Variants in NRXN3 observed in about 807,000 individuals in gnomAD.
The protein encoded by NRXN3 is neurexin III.
NRXN3 carries 32 observed loss-of-function variants against 137.6 expected under a neutral mutation model. The observed-to-expected ratio is 0.23, with a 90% confidence interval of 0.18 to 0.31. NRXN3 has a LOEUF of 0.31. Among genes scored for constraint, NRXN3 ranks in the 10% least tolerant of loss-of-function variants. The pLI, the probability that NRXN3 is intolerant of heterozygous loss-of-function variation, is 1.00. For synonymous variants in NRXN3, 798 were observed against 784.5 expected, an observed-to-expected ratio of 1.02 and a Z score of -0.29; for missense variants, 1,574 against 2,062.5, an observed-to-expected ratio of 0.76 and a Z score of 4.59.
chr14:78,468,034 C>T (rs902115922), intron 4 of NRXN3, among the ~76,000 whole-genome samples: 17 of 152,166 alleles, frequency 1.1e-4, no homozygotes, highest in Admixed American at 6.5e-4. Context: ...AGCAATTCTC[C>T]TGCCTCAGCC....
At chr14:78,626,764 C>A (rs745472538) in intron 4 of NRXN3, among the ~76,000 whole-genome samples, 77 of 152,260 alleles carry the variant, frequency 5.1e-4, no homozygotes, top group Non-Finnish European at 1.0e-3. Flanking sequence ...TGGTTGGCTC[C>A]TCTGTTATTG....
At chr14:79,224,839 T>C (rs2070523041) in intron 15 of NRXN3, among the ~76,000 whole-genome samples, 1 of 152,146 alleles carries the variant, frequency 6.6e-6, no homozygotes, top group Non-Finnish European at 1.5e-5. Context: ...AAGGCAAGGA[T>C]CACCAAGGAT....
intron 10 of NRXN3, among the ~76,000 whole-genome samples, chr14:78,825,690 A>G (rs1029744831): frequency 8.5e-5 from 13 of 152,262 alleles, no homozygotes; most frequent in African/African-American, 2.4e-4. Context: ...TGATTTGTCA[A>G]ATGGAATTGC....
chr14:78,289,411 A>G (rs2075550718), intron 3 of NRXN3, among the ~76,000 whole-genome samples: 2 of 152,088 alleles, frequency 1.3e-5, no homozygotes, highest in Non-Finnish European at 1.5e-5. Context: ...CCTGCCCAAT[A>G]TGTTGCTTGG....
At chr14:78,372,688 C>T (rs781357262) in intron 4 of NRXN3, among the ~76,000 whole-genome samples, 4 of 152,122 alleles carry the variant, frequency 2.6e-5, no homozygotes, top group Non-Finnish European at 5.9e-5. Context: ...TCACTTGCAA[C>T]ATATTGGTGC....
rs145035308 is a variant in NRXN3 at position 79,245,908 on chromosome 14, G to A, written c.3263-221313G>A. Among the ~76,000 whole-genome samples the A allele has an allele frequency of 2.0e-3, 298 of 152,122 alleles. 1 individual carries two copies. Among genetic ancestry groups the A allele is most frequent in the Non-Finnish European group, 3.3e-3 (223 of 67,974 alleles). On this transcript the variant is annotated intron_variant, in intron 15 of 20. Transcript: ENST00000335750. ...AAGGGAAAGAGGAAGGAGTACAGGC[G>A]CGTGTTTGGTAAGGTGTCAAGGGTC...
At chr14:78,761,729 T>C (rs930218360) in intron 8 of NRXN3, among the ~76,000 whole-genome samples, 3 of 152,196 alleles carry the variant, frequency 2.0e-5, no homozygotes, top group African/African-American at 7.2e-5. Context: ...GGGGCCTCAT[T>C]TGAAGAATTA....
At chr14:79,207,927 T>G (rs1404319479) in intron 15 of NRXN3, among the ~76,000 whole-genome samples, 2 of 152,130 alleles carry the variant, frequency 1.3e-5, no homozygotes, top group Admixed American at 6.6e-5. Context: ...TTAAAAATAC[T>G]AACACATTGA....
At chr14:79,503,194 T>C (rs1358299557) in intron 16 of NRXN3, among the ~76,000 whole-genome samples, 2 of 152,218 alleles carry the variant, frequency 1.3e-5, no homozygotes, top group African/African-American at 2.4e-5. Flanking sequence ...TTTTCCCCTT[T>C]GTTGATTTCT....
chr14:79,719,697 T>C (rs1421407328), intron 19 of NRXN3, among the ~76,000 whole-genome samples: 1 of 152,092 alleles, frequency 6.6e-6, no homozygotes, highest in Admixed American at 6.6e-5. Context: ...TTCCCACCTG[T>C]CTTTCTTTCC....
chr14:79,505,804 G>T (rs141463663), intron 16 of NRXN3, among the ~76,000 whole-genome samples: 2 of 152,152 alleles, frequency 1.3e-5, no homozygotes, highest in Non-Finnish European at 2.9e-5. Flanking sequence ...GCTTTTGATT[G>T]CTATGTAACA....
At chr14:78,374,344 G>T (rs1421669312) in intron 4 of NRXN3, among the ~76,000 whole-genome samples, 2 of 152,188 alleles carry the variant, frequency 1.3e-5, no homozygotes, top group Non-Finnish European at 2.9e-5. Flanking sequence ...TAATAGAGTG[G>T]TTGTTATAAG....
At position 78,751,912 on chromosome 14, in the gene NRXN3, T is replaced by A. The variant is rs1202865974; in HGVS notation, c.2044+36773T>A. On this transcript the variant is annotated intron_variant, in intron 8 of 20. Coordinates refer to ENST00000335750, the MANE Select transcript of NRXN3 (RefSeq NM_001330195.2). ...GGTGATTCATGTACACGGCAAAGCA[T>A]GAGAAGCACTGAACCAGGAAATGGA... 1.3e-5 allele frequency among the ~76,000 whole-genome samples: 2 copies of A among 152,094 alleles called. 1 individual carries two copies. The highest frequency in any genetic ancestry group is 4.1e-4 in the South Asian group (2 of 4,822).
intron 15 of NRXN3, among the ~76,000 whole-genome samples, chr14:79,458,263 C>A (rs998404362): frequency 3.3e-5 from 5 of 152,104 alleles, no homozygotes; most frequent in Non-Finnish European, 5.9e-5. Flanking sequence ...GCCAAAAATT[C>A]ACCAAAGAAA....
At chr14:78,624,846 T>C (rs2097441222) in intron 4 of NRXN3, among the ~76,000 whole-genome samples, 1 of 151,934 alleles carries the variant, frequency 6.6e-6, no homozygotes, top group South Asian at 2.1e-4. Context: ...TTTGTTTGTT[T>C]GTTTGTTTGT....
At chr14:79,055,629 C>T (rs2099658580) in intron 15 of NRXN3, among the ~76,000 whole-genome samples, 1 of 151,998 alleles carries the variant, frequency 6.6e-6, no homozygotes, top group South Asian at 2.1e-4. Context: ...AGCAAGAGAG[C>T]AGTATATATA....
intron 6 of NRXN3, chr14:78,708,655 A>C (rs995496070): frequency 6.5e-6 from 1 of 152,978 alleles, no homozygotes; most frequent in South Asian, 2.1e-4. Flanking sequence ...GCATATATAC[A>C]TATAATGCCC....
chr14:78,909,116 T>C (rs2099228700), intron 10 of NRXN3, among the ~76,000 whole-genome samples: 3 of 152,156 alleles, frequency 2.0e-5, no homozygotes, highest in Admixed American at 2.0e-4. Context: ...CCGTCGTACC[T>C]AGATCAGCTG....
At chr14:79,795,011 A>G (rs529947182) in intron 19 of NRXN3, among the ~76,000 whole-genome samples, 2 of 152,310 alleles carry the variant, frequency 1.3e-5, no homozygotes, top group South Asian at 4.1e-4. Flanking sequence ...ACAACCTAAC[A>G]AAGGGTCTTT....
Sources: allele counts gnomAD v4.1 joint callset (sites outside exome capture counted in the v4.1 genomes callset), GRCh38; gene constraint gnomAD v4.1.1; transcripts MANE v1.5; gene names NCBI Gene and HGNC (gene_info 2026-07-23, HGNC 2026-07-21).